Variants in HS3ST4 observed in about 807,000 individuals in gnomAD.
The protein encoded by HS3ST4 is heparan sulfate glucosamine 3-O-sulfotransferase 4.
HS3ST4 carries 17 observed loss-of-function variants against 29.2 expected under a neutral mutation model. The observed-to-expected ratio is 0.58, with a 90% CI of 0.40 to 0.87. The LOEUF (loss-of-function observed/expected upper bound fraction) is 0.87. Ranked by LOEUF, HS3ST4 falls within the 40% of genes least tolerant of loss-of-function variation. The probability of loss-of-function intolerance (pLI) is 0.00; values close to 1 mark genes in which losing one functional copy is unlikely to be tolerated. For synonymous variants in HS3ST4, 314 were observed against 285.7 expected, an observed-to-expected ratio of 1.10 and a Z score of -1.00; for missense variants, 627 against 634.5, an observed-to-expected ratio of 0.99 and a Z score of 0.13.
chr16:25,999,882 T>TTA lies in HS3ST4; in HGVS notation c.735-135718_735-135717dup, dbSNP rs1293562190. ...ATATATATTATATATTTTATATATATTATATATATATATTTTATATATATA... is the reference window on the plus strand; with the variant it reads ...ATATATATTATATATTTTATATATATTATATATATATATATTTTATATATATA... On this transcript the variant is annotated intron_variant, in intron 1 of 1. Transcript: ENST00000331351. 5.7e-5 allele frequency among the ~76,000 whole-genome samples: 7 copies of TTA among 122,952 alleles called. 1 individual carries two copies. Among genetic ancestry groups the TTA allele is most frequent in the Middle Eastern group, 3.9e-3 (1 of 256 alleles). The allele number at this position is 122,952 out of a possible 152,430, so 80.7% of individuals were successfully genotyped here.
chr16:25,979,208 C>T (rs1413288726), intron 1 of HS3ST4, among the ~76,000 whole-genome samples: 1 of 152,106 alleles, frequency 6.6e-6, no homozygotes, highest in Non-Finnish European at 1.5e-5. Flanking sequence ...CTTGTTCTCT[C>T]TCTTAAGCTC....
intron 1 of HS3ST4, among the ~76,000 whole-genome samples, chr16:26,115,254 TATAC>T (rs1365670475): frequency 6.7e-5 from 10 of 149,006 alleles, no homozygotes; most frequent in South Asian, 2.1e-4. Flanking sequence ...TGTATATATA[TATAC>T]ATATATATAC....
chr16:26,088,720 A>C (rs1217649211), intron 1 of HS3ST4, among the ~76,000 whole-genome samples: 1 of 151,906 alleles, frequency 6.6e-6, no homozygotes, highest in South Asian at 2.1e-4. Context: ...TTGAGCTTCA[A>C]CTCTTATGTT....
chr16:25,727,906 G>A (rs1423274470), intron 1 of HS3ST4, among the ~76,000 whole-genome samples: 1 of 152,134 alleles, frequency 6.6e-6, no homozygotes, highest in Non-Finnish European at 1.5e-5. Flanking sequence ...GGAAATACTG[G>A]GGTGAGCTTG....
chr16:26,071,639 T>A (rs1898604766), intron 1 of HS3ST4, among the ~76,000 whole-genome samples: 1 of 152,178 alleles, frequency 6.6e-6, no homozygotes, highest in African/African-American at 2.4e-5. Flanking sequence ...AAGATTTATT[T>A]TAAAATACAT....
At chr16:25,721,641 G>A (rs1054438725) in intron 1 of HS3ST4, among the ~76,000 whole-genome samples, 2 of 152,194 alleles carry the variant, frequency 1.3e-5, no homozygotes, top group African/African-American at 4.8e-5. Context: ...TTGAGAGGCT[G>A]TTGAGTAGTT....
chr16:25,875,082 T>C (rs1367641772), intron 1 of HS3ST4, among the ~76,000 whole-genome samples: 1 of 152,176 alleles, frequency 6.6e-6, no homozygotes, highest in Non-Finnish European at 1.5e-5. Context: ...ACAATGTTGA[T>C]CCCTAAAGAC....
At position 25,995,919 on chromosome 16, in the gene HS3ST4, A is replaced by G. The variant is rs370403939; in HGVS notation, c.735-139693A>G. Among the ~76,000 whole-genome samples, 13 of 151,954 alleles carry G rather than the reference A, an allele frequency of 8.6e-5. No individual in the cohort carries two copies. In the East Asian group the frequency reaches 1.9e-3, roughly 23 times the overall value. ...TTCACTTCCATTTCCTCCAAACTCT[A>G]CCAGGGCTGTGTATTGGAACAGCGA... On this transcript the variant is annotated intron_variant, in intron 1 of 1. Transcript: ENST00000331351.
chr16:25,740,457 A>G (rs28739552), intron 1 of HS3ST4, among the ~76,000 whole-genome samples: 1 of 152,210 alleles, frequency 6.6e-6, no homozygotes, highest in Non-Finnish European at 1.5e-5. Flanking sequence ...CTGAGCCCCA[A>G]AGATCCTAGT....
chr16:25,797,042 T>A (rs1966890044), intron 1 of HS3ST4, among the ~76,000 whole-genome samples: 1 of 152,210 alleles, frequency 6.6e-6, no homozygotes, highest in Non-Finnish European at 1.5e-5. Context: ...CTCACTACCA[T>A]TTTCTGTCCT....
At chr16:25,747,007 C>G (rs1350328498) in intron 1 of HS3ST4, among the ~76,000 whole-genome samples, 3 of 152,140 alleles carry the variant, frequency 2.0e-5, no homozygotes, top group African/African-American at 7.2e-5. Flanking sequence ...CACCATCACA[C>G]CAGCTTGATT....
At chr16:25,886,588 CA>C (rs1357803411) in intron 1 of HS3ST4, among the ~76,000 whole-genome samples, 1 of 152,172 alleles carries the variant, frequency 6.6e-6, no homozygotes, top group African/African-American at 2.4e-5. Flanking sequence ...GAAAGTTCTG[CA>C]ACACATGAGC....
At chr16:25,994,329 G>A (rs1466266389) in intron 1 of HS3ST4, among the ~76,000 whole-genome samples, 2 of 151,624 alleles carry the variant, frequency 1.3e-5, no homozygotes, top group Non-Finnish European at 2.9e-5. Flanking sequence ...GTCTTGTTTG[G>A]TATTTTTAAT....
At chr16:26,086,592 G>A (rs939714542) in intron 1 of HS3ST4, among the ~76,000 whole-genome samples, 4 of 152,028 alleles carry the variant, frequency 2.6e-5, no homozygotes, top group East Asian at 1.9e-4. Context: ...CTCGTGATCC[G>A]CCTGCCTCGG....
intron 1 of HS3ST4, among the ~76,000 whole-genome samples, chr16:25,881,929 G>A (rs1224786251): frequency 6.6e-6 from 1 of 152,176 alleles, no homozygotes; most frequent in East Asian, 1.9e-4. Context: ...TTCTTTTTCA[G>A]GGACAGTATT....
At chr16:25,724,993 C>T (rs181498478) in intron 1 of HS3ST4, among the ~76,000 whole-genome samples, 1 of 146,492 alleles carries the variant, frequency 6.8e-6, no homozygotes, top group African/African-American at 2.5e-5. Flanking sequence ...GCTTTCTTGC[C>T]TTTTCTCCCT....
chr16:25,885,352 G>A (rs1967938189), intron 1 of HS3ST4, among the ~76,000 whole-genome samples: 2 of 152,180 alleles, frequency 1.3e-5, no homozygotes, highest in South Asian at 2.1e-4. Flanking sequence ...ATTTGGTTTC[G>A]AGACCCTCAG....
At chr16:25,811,508 A>G (rs1266512708) in intron 1 of HS3ST4, among the ~76,000 whole-genome samples, 6 of 133,364 alleles carry the variant, frequency 4.5e-5, no homozygotes, top group Non-Finnish European at 6.1e-5. Context: ...ATCTCGGCCC[A>G]CTGCAACCTC....
At chr16:25,701,771 A>G (rs1416438576) in intron 1 of HS3ST4, among the ~76,000 whole-genome samples, 1 of 152,254 alleles carries the variant, frequency 6.6e-6, no homozygotes, top group Non-Finnish European at 1.5e-5. Context: ...AAGAACTCAC[A>G]GAGTGGAGAA....
Sources: allele counts gnomAD v4.1 joint callset (sites outside exome capture counted in the v4.1 genomes callset), GRCh38; gene constraint gnomAD v4.1.1; transcripts MANE v1.5; gene names NCBI Gene and HGNC (gene_info 2026-07-23, HGNC 2026-07-21).